DPP10: variants seen among roughly 807,000 people sequenced by gnomAD.
The protein encoded by DPP10 is inactive dipeptidyl peptidase 10.
Under a neutral mutation model 120.9 loss-of-function variants are expected in DPP10, and 33 were observed. The ratio of observed to expected loss-of-function variants is 0.27; its 90% CI spans 0.21 to 0.37. The LOEUF is 0.37. Ranked by LOEUF, DPP10 falls within the 10% of genes least tolerant of loss-of-function variation. The pLI is 1.00. For missense variants in DPP10, 816 were observed against 942.8 expected, an observed-to-expected ratio of 0.87 and a Z score of 1.76; for synonymous variants, 337 against 326.1, an observed-to-expected ratio of 1.03 and a Z score of -0.36.
intron 17 of DPP10, among the ~76,000 whole-genome samples, chr2:115,789,203 C>A (rs980861676): frequency 6.6e-6 from 1 of 152,022 alleles, no homozygotes; most frequent in African/African-American, 2.4e-5. Context: ...AAAAAAAGAT[C>A]AAATTTTCTC....
intron 5 of DPP10, among the ~76,000 whole-genome samples, chr2:115,605,606 G>A (rs2083653776): frequency 6.6e-6 from 1 of 152,022 alleles, no homozygotes; most frequent in African/African-American, 2.4e-5. Flanking sequence ...AGAAAAGGGA[G>A]AGAAAGCCAA....
chr2:114,533,724 C>T (rs144191460), intron 1 of DPP10, among the ~76,000 whole-genome samples: 9 of 152,068 alleles, frequency 5.9e-5, no homozygotes, highest in East Asian at 1.9e-4. Flanking sequence ...CTAGTTTGCC[C>T]GGGTTTAGAC....
At chr2:115,339,889 G>A (rs1416423107) in intron 2 of DPP10, among the ~76,000 whole-genome samples, 1 of 152,172 alleles carries the variant, frequency 6.6e-6, no homozygotes, top group African/African-American at 2.4e-5. Context: ...CACCTGTGAT[G>A]CAGTTGCGTA....
At chr2:115,838,202 C>A (rs1448235637) in intron 24 of DPP10, among the ~76,000 whole-genome samples, 3 of 151,882 alleles carry the variant, frequency 2.0e-5, no homozygotes, top group South Asian at 4.2e-4. Flanking sequence ...GATACAGTAC[C>A]AGTGTTGGGT....
intron 1 of DPP10, among the ~76,000 whole-genome samples, chr2:114,761,202 C>T (rs1290088974): frequency 6.6e-6 from 1 of 151,966 alleles, no homozygotes; most frequent in Non-Finnish European, 1.5e-5. Context: ...CCAATGAGTG[C>T]TAATTAAGCA....
At chr2:115,016,168 C>G (rs925694585) in intron 1 of DPP10, among the ~76,000 whole-genome samples, 2 of 152,032 alleles carry the variant, frequency 1.3e-5, no homozygotes, top group South Asian at 4.1e-4. Flanking sequence ...ACCAATGGAA[C>G]AGAACAGAAC....
intron 5 of DPP10, chr2:115,579,223 C>T (rs2081872341): frequency 6.6e-6 from 1 of 152,186 alleles, no homozygotes; most frequent in Non-Finnish European, 1.5e-5. Context: ...GGTCACCTTA[C>T]TTTGATGCGT....
intron 5 of DPP10, among the ~76,000 whole-genome samples, chr2:115,619,249 G>C (rs1420772027): frequency 4.0e-5 from 6 of 150,202 alleles, no homozygotes; most frequent in African/African-American, 1.2e-4. Flanking sequence ...GGCTAATTTT[G>C]TATTTTTGGT....
rs576730257 is a variant in DPP10, at chr2:114,558,229, G to A, written c.60+115391G>A. 3.5e-4 allele frequency among the ~76,000 whole-genome samples: 54 copies of A among 152,238 alleles called. No homozygotes were observed. In the South Asian group the frequency reaches 9.7e-3, roughly 27 times the overall value. The stretch of plus-strand genomic sequence containing the variant: ...TGTTGAGATTGGCTGAGAGGTCTTC[G>A]GAAGTCCTCAGATTGAATGGTAGTT... On this transcript the variant is annotated intron_variant, in intron 1 of 25. Coordinates refer to ENST00000410059, the MANE Select transcript of DPP10 (RefSeq NM_020868.6).
At chr2:114,599,089 A>G (rs1487399520) in intron 1 of DPP10, among the ~76,000 whole-genome samples, 1 of 151,862 alleles carries the variant, frequency 6.6e-6, no homozygotes, top group Non-Finnish European at 1.5e-5. Context: ...AATCTGGACA[A>G]TTGTTACATA....
At chr2:114,833,931 A>G (rs1687371376) in intron 1 of DPP10, 2 of 152,044 alleles carry the variant, frequency 1.3e-5, no homozygotes, top group South Asian at 2.1e-4. Context: ...CTTACTAGTG[A>G]CCTAAAACCA....
intron 2 of DPP10, among the ~76,000 whole-genome samples, chr2:115,338,046 T>C (rs1179889131): frequency 6.6e-6 from 1 of 152,058 alleles, no homozygotes; most frequent in Admixed American, 6.6e-5. Context: ...TTAAAAAATA[T>C]TATTAAAATT....
chr2:115,217,730 T>G (rs2056915484), intron 1 of DPP10, among the ~76,000 whole-genome samples: 1 of 152,202 alleles, frequency 6.6e-6, no homozygotes, highest in Non-Finnish European at 1.5e-5. Flanking sequence ...CGGTTGGTAC[T>G]GATTGCTTTG....
rs1553418241 is a variant in DPP10, at chr2:114,748,357, T to TTTTTA, written c.60+305522_60+305523insTATTT. Reference sequence around the variant, plus strand: ...AATTTTCTTTTTTTTTTTTATTTTTTTTTATTTTATTTATTTATTTATTTA... The same window carrying TTTTTA: ...AATTTTCTTTTTTTTTTTTATTTTTTTTTTATTTATTTTATTTATTTATTTATTTA... On this transcript the variant is annotated intron_variant, in intron 1 of 25. Transcript: ENST00000410059. 4.1e-4 allele frequency among the ~76,000 whole-genome samples: 52 copies of TTTTTA among 126,600 alleles called. 1 individual carries two copies. The highest frequency in any genetic ancestry group is 7.3e-4 in the African/African-American group (22 of 30,316). 83.1% of individuals were successfully genotyped at this position (126,600 alleles called of 152,430 possible). A position where few individuals can be genotyped will look rare whatever the true frequency, so the allele number is the denominator to read the frequency against.
chr2:115,370,001 T>C (rs1308478723), intron 3 of DPP10, among the ~76,000 whole-genome samples: 1 of 152,132 alleles, frequency 6.6e-6, no homozygotes, highest in Non-Finnish European at 1.5e-5. Flanking sequence ...TCTAAAGACA[T>C]GTCTGTGGAG....
intron 1 of DPP10, among the ~76,000 whole-genome samples, chr2:114,719,866 C>A (rs915188856): frequency 3.3e-5 from 5 of 152,082 alleles, no homozygotes; most frequent in East Asian, 1.9e-4. Flanking sequence ...TAGGAGCATT[C>A]AATAGCAATG....
At position 115,033,893 on chromosome 2, in the gene DPP10, CTTTTTTTTTTTTTTTT is replaced by C. The variant is rs965717193; in HGVS notation, c.61-275338_61-275323del. On this transcript the variant is annotated intron_variant, in intron 1 of 25. Coordinates refer to ENST00000410059, the MANE Select transcript of DPP10 (RefSeq NM_020868.6). ...TATCTTTCTTTTTCTTTTTCTTTTT[CTTTTTTTTTTTTTTTT>C]TTTTTTTGAGACGGAGTCTTGCTCT... Among the ~76,000 whole-genome samples, 3 of 89,862 alleles carry C rather than the reference CTTTTTTTTTTTTTTTT, an allele frequency of 3.3e-5. No individual in the cohort carries two copies. The Admixed American group carries it at 4.2e-4, about 13-fold the overall frequency. The allele number at this position is 89,862 out of a possible 152,430, so 59.0% of individuals were successfully genotyped here.
chr2:114,795,855 C>T (rs1264663272), intron 1 of DPP10, among the ~76,000 whole-genome samples: 1 of 152,078 alleles, frequency 6.6e-6, no homozygotes, highest in African/African-American at 2.4e-5. Context: ...TAAAAATTAT[C>T]AAAACTCATG....
At chr2:115,506,664 G>T (rs781172370) in intron 4 of DPP10, among the ~76,000 whole-genome samples, 1 of 151,978 alleles carries the variant, frequency 6.6e-6, no homozygotes, top group Non-Finnish European at 1.5e-5. Flanking sequence ...ATGTATGTTT[G>T]TATGTATTTA....
Sources: gnomAD v4.1 joint callset for allele counts (sites outside exome capture counted in the v4.1 genomes callset) on GRCh38, gnomAD v4.1.1 for gene constraint, MANE v1.5 for transcripts, NCBI Gene and HGNC (gene_info 2026-07-23, HGNC 2026-07-21) for gene names.